Variants in CACNA1C observed in about 807,000 individuals in gnomAD.
CACNA1C encodes the protein voltage-dependent L-type calcium channel subunit alpha-1C.
A neutral mutation model predicts 229.0 loss-of-function variants in CACNA1C; 30 were observed. That is an observed-to-expected ratio of 0.13 (90% CI 0.10 to 0.18). The LOEUF (loss-of-function observed/expected upper bound fraction) is 0.18, where lower values mean the gene tolerates loss of function less well. CACNA1C is among the 10% of genes least tolerant of loss of function. CACNA1C has a pLI of 1.00. For missense variants in CACNA1C, 1,658 were observed against 2,845.0 expected (o/e 0.58, Z 9.49); for synonymous variants, 1,114 against 1,132.5 (o/e 0.98, Z 0.33).
At chr12:2,058,209 A>C (rs1276284956) in intron 1 of CACNA1C, among the ~76,000 whole-genome samples, 1 of 152,220 alleles carries the variant, frequency 6.6e-6, no homozygotes, top group Non-Finnish European at 1.5e-5. Context: ...AGTGGCTGGC[A>C]GCACTTTCTT....
At chr12:2,487,470 AT>A (rs1431737005) in intron 6 of CACNA1C, among the ~76,000 whole-genome samples, 2 of 148,018 alleles carry the variant, frequency 1.4e-5, no homozygotes, top group East Asian at 4.0e-4. Context: ...TTAACTGCAT[AT>A]TTGAGGGCAT....
At chr12:2,070,239 T>G (rs190817942) in intron 1 of CACNA1C, among the ~76,000 whole-genome samples, 56 of 152,290 alleles carry the variant, frequency 3.7e-4, no homozygotes, top group African/African-American at 1.2e-3. Context: ...CTTAAAGGAA[T>G]GAGGATGTCC....
At position 2,678,971 on chromosome 12, in the gene CACNA1C, G is replaced by C. The variant is rs1265261705; in HGVS notation, c.5092-473G>C. Among the ~76,000 whole-genome samples, 1 of 152,214 alleles carries C rather than the reference G, an allele frequency of 6.6e-6. No individual in the cohort carries two copies. Among genetic ancestry groups the C allele is most frequent in the Non-Finnish European group, 1.5e-5 (1 of 68,046 alleles). ...ATTTTCAAAACCGTTTGGCCAACCAGCTTTTAGCTCTGTGAGCACACTGGG... is the reference window on the plus strand; with the variant it reads ...ATTTTCAAAACCGTTTGGCCAACCACCTTTTAGCTCTGTGAGCACACTGGG... On this transcript the variant is annotated intron_variant, in intron 41 of 46. Transcript: ENST00000399655. This position sits in a 1 kb window ranked among gnomAD's most constrained non-coding sequence, Gnocchi z 4.1.
At chr12:2,606,512 C>T in intron 24 of CACNA1C, 99 bp from the exon 25 acceptor site, 1 of 975,832 alleles carries the variant, frequency 1.0e-6, no homozygotes, top group Non-Finnish European at 1.6e-6. Context: ...ATCCCACTGT[C>T]CCTAGCACAG....
At chr12:2,156,720 C>T (rs983112668) in intron 3 of CACNA1C, among the ~76,000 whole-genome samples, 15 of 152,224 alleles carry the variant, frequency 9.9e-5, no homozygotes, top group African/African-American at 3.6e-4. Flanking sequence ...GGGTCAGATG[C>T]AAGTACCCGT....
At chr12:2,097,180 C>T (rs1213603569) in intron 1 of CACNA1C, among the ~76,000 whole-genome samples, 1 of 152,102 alleles carries the variant, frequency 6.6e-6, no homozygotes, top group Non-Finnish European at 1.5e-5. Context: ...GAGTCTTGCT[C>T]TGTCACCCAG....
At chr12:2,451,067 A>C (rs908343691) in intron 4 of CACNA1C, among the ~76,000 whole-genome samples, 2 of 152,176 alleles carry the variant, frequency 1.3e-5, no homozygotes, top group Non-Finnish European at 1.5e-5. Context: ...CACTTTGGCC[A>C]CATGAACCTC....
Position 2,004,393 on chromosome 12 carries a change from C to G in CACNA1C, c.139+33192C>G, listed in dbSNP as rs766447875. ...GCAGGGCCGCTAGGCTGATGTCGCGCCCCTTTCCCACCAGGCCGCCTGCCG... is the reference window on the plus strand; with the variant it reads ...GCAGGGCCGCTAGGCTGATGTCGCGGCCCTTTCCCACCAGGCCGCCTGCCG... On this transcript the variant is annotated intron_variant, in intron 1 of 46. Coordinates refer to the CACNA1C transcript ENST00000682462. 1.9e-6 allele frequency: 3 copies of G among 1,612,406 alleles called. No homozygotes were observed. The African/African-American group carries it at 4.0e-5, about 22-fold the overall frequency.
chr12:2,676,926 AG>A, intron 39 of CACNA1C, 167 bp from the exon 40 acceptor site: 1 of 568,666 alleles, frequency 1.8e-6, no homozygotes, highest in South Asian at 2.2e-5. Flanking sequence ...TTTGACCATA[AG>A]CCTTTTTATG....
Position 2,677,184 on chromosome 12 carries a change from T to A in CACNA1C, c.4919T>A (p.Val1640Glu). The change falls in exon 40 of 47, where the codon GTG becomes GAG. Residue 1640 changes from valine (V) to glutamate (E), a missense_variant. By Grantham distance (121) the Val-to-Glu change is moderately radical (BLOSUM62 -2). Coordinates refer to ENST00000399655, the MANE Select transcript of CACNA1C (RefSeq NM_000719.7). This position sits in a 1 kb window ranked among gnomAD's most constrained non-coding sequence, Gnocchi z 7.4. ...AAGAAGCGCAAAGAGCAGGGCCTTG[T>A]GGGCAAGCCCTCCCAGAGGAACGCG... ...KFKKRKEQGL[V>E]GKPSQRNALS... 1 of 1,613,854 alleles carries A rather than the reference T, an allele frequency of 6.2e-7. No homozygotes were observed. Among genetic ancestry groups the A allele is most frequent in the Non-Finnish European group, 8.5e-7 (1 of 1,179,852 alleles).
chr12:2,478,308 G>C (rs918163445), intron 5 of CACNA1C, among the ~76,000 whole-genome samples: 1 of 152,164 alleles, frequency 6.6e-6, no homozygotes, highest in African/African-American at 2.4e-5. Flanking sequence ...GAGAGCATCT[G>C]ATAACACCAA....
chr12:2,426,552 GT>G (rs151071196), intron 3 of CACNA1C, among the ~76,000 whole-genome samples: 5,977 of 152,280 alleles, frequency 0.039, 191 homozygotes, highest in Non-Finnish European at 0.057. Flanking sequence ...GGTCAGAAAG[GT>G]GATATATCAG....
chr12:2,582,962 C>G lies in CACNA1C; in HGVS notation c.2224+20C>G. On this transcript the variant is annotated intron_variant, in intron 15 of 46. Coordinates refer to ENST00000399655, the MANE Select transcript of CACNA1C (RefSeq NM_000719.7). ...GAAACTGTATCCTTTGCTGCTGCCC[C>G]CCACCCCTGCGGCCCCCAGCCCCCA... The G allele has an allele frequency of 6.5e-7, 1 of 1,538,220 alleles. No homozygotes were observed. Among genetic ancestry groups the G allele is most frequent in the Non-Finnish European group, 8.8e-7 (1 of 1,136,490 alleles).
rs1567681264 is a variant in CACNA1C, at chr12:2,438,230, ATGGTGGGGATGGTG to A, written c.478-10745_478-10732del. Among the ~76,000 whole-genome samples, 517 of 111,294 alleles carry A rather than the reference ATGGTGGGGATGGTG, an allele frequency of 4.6e-3. 4 individuals carry two copies. Among genetic ancestry groups the A allele is most frequent in the African/African-American group, 0.017 (496 of 28,464 alleles). The allele number at this position is 111,294 out of a possible 152,430, so 73.0% of individuals were successfully genotyped here. A position where few individuals can be genotyped will look rare whatever the true frequency, so the allele number is the denominator to read the frequency against. On this transcript the variant is annotated intron_variant, in intron 3 of 46. Transcript: ENST00000399655. The stretch of plus-strand genomic sequence containing the variant: ...GATGGTGGTGGTGGTGGTGGTTGTG[ATGGTGGGGATGGTG>A]ATGATAATGATGGTGATGGTGGTGG...
chr12:2,075,380 T>A (rs2062827818), intron 1 of CACNA1C, among the ~76,000 whole-genome samples: 1 of 152,186 alleles, frequency 6.6e-6, no homozygotes, highest in African/African-American at 2.4e-5. Context: ...AGTGGGGACC[T>A]CTTACATTTT....
chr12:2,524,337 G>A (rs988901372), intron 9 of CACNA1C, among the ~76,000 whole-genome samples: 1 of 152,220 alleles, frequency 6.6e-6, no homozygotes, highest in Non-Finnish European at 1.5e-5. Flanking sequence ...TTACAGCCTA[G>A]TTCAGGAGAC....
chr12:2,247,799 C>T (rs771959365), intron 3 of CACNA1C, among the ~76,000 whole-genome samples: 26 of 152,172 alleles, frequency 1.7e-4, no homozygotes, highest in South Asian at 4.1e-4. Context: ...CACTTAGTCT[C>T]GTTCTCACCT....
rs1442915234 is a variant in CACNA1C, at chr12:2,512,924, G to A, written c.1330G>A (p.Ala444Thr). 2 of 1,612,306 alleles carry A rather than the reference G, an allele frequency of 1.2e-6. No individual in the cohort carries two copies. Among genetic ancestry groups the A allele is most frequent in the Non-Finnish European group, 1.7e-6 (2 of 1,179,284 alleles). The change falls in exon 9 of 47, where the codon GCC (alanine) becomes ACC (threonine). Residue 444 changes from alanine to threonine, a missense_variant. By Grantham distance (58) the Ala-to-Thr change is moderately conservative (BLOSUM62 0). Coordinates refer to ENST00000399655, the MANE Select transcript of CACNA1C (RefSeq NM_000719.7). This position sits in a 1 kb window ranked among gnomAD's most constrained non-coding sequence, Gnocchi z 4.3. ...LKGYLDWITQ[A>T]EDIDPENEDE... ...AGGCTACCTGGATTGGATCACTCAGGCCGAAGACATCGATCCTGAGAATGA... is the reference window on the plus strand; with the variant it reads ...AGGCTACCTGGATTGGATCACTCAGACCGAAGACATCGATCCTGAGAATGA...
chr12:2,471,618 C>T, intron 5 of CACNA1C, among the ~76,000 whole-genome samples: 1 of 151,536 alleles, frequency 6.6e-6, no homozygotes, highest in South Asian at 2.1e-4. Context: ...GTTTTTTTTT[C>T]TTTCAGAACT....
Sources: gnomAD v4.1 joint callset for allele counts (sites outside exome capture counted in the v4.1 genomes callset) on GRCh38, gnomAD v4.1.1 for gene constraint, Gnocchi (gnomAD v3.1) non-coding constraint, MANE v1.5 for transcripts, NCBI Gene and HGNC (gene_info 2026-07-23, HGNC 2026-07-21) for gene names.